ATG5: variants seen among roughly 807,000 people sequenced by gnomAD.
The protein encoded by ATG5 is autophagy related 5, also known as autophagy protein 5.
In ATG5, 14 loss-of-function variants were observed where a neutral mutation model predicts 36.5. The observed-to-expected ratio is 0.38, with a 90% confidence interval of 0.25 to 0.60. The LOEUF is 0.60. Among genes scored for constraint, ATG5 ranks in the 20% least tolerant of loss-of-function variants. The pLI is 0.60. For missense variants in ATG5, 195 were observed against 326.7 expected, an observed-to-expected ratio of 0.60 and a Z score of 3.11; for synonymous variants, 95 against 101.5, an observed-to-expected ratio of 0.94 and a Z score of 0.38.
chr6:106,259,117 T>C (rs958259396), intron 5 of ATG5, among the ~76,000 whole-genome samples: 1 of 152,202 alleles, frequency 6.6e-6, no homozygotes, highest in Non-Finnish European at 1.5e-5. Context: ...GTTCAAGAAG[T>C]ATTTTCCTCA....
chr6:106,254,756 G>T (rs985387411), intron 5 of ATG5, among the ~76,000 whole-genome samples: 1 of 152,178 alleles, frequency 6.6e-6, no homozygotes, highest in African/African-American at 2.4e-5. Context: ...GATTCTACCA[G>T]GTAAGAAGTG....
chr6:106,227,930 C>T (rs1016699795), intron 6 of ATG5, among the ~76,000 whole-genome samples: 1 of 152,122 alleles, frequency 6.6e-6, no homozygotes, highest in Admixed American at 6.5e-5. Flanking sequence ...CAACTCAAAC[C>T]AGGCAGCAAT....
chr6:106,309,984 AGT>A (rs1770590413), intron 2 of ATG5, among the ~76,000 whole-genome samples: 1 of 152,122 alleles, frequency 6.6e-6, no homozygotes, highest in African/African-American at 2.4e-5. Flanking sequence ...GATTTTGGAG[AGT>A]GTTGTATTAC....
intron 6 of ATG5, among the ~76,000 whole-genome samples, chr6:106,228,110 T>C (rs1777516623): frequency 2.0e-5 from 3 of 152,180 alleles, no homozygotes; most frequent in East Asian, 3.8e-4. Flanking sequence ...CCATAAACTA[T>C]TTGGTTATTA....
At chr6:106,209,760 A>C (rs1776788367) in intron 6 of ATG5, among the ~76,000 whole-genome samples, 1 of 152,224 alleles carries the variant, frequency 6.6e-6, no homozygotes, top group Non-Finnish European at 1.5e-5. Context: ...GCAAGATGTT[A>C]GAATTGGGGG....
Position 106,215,568 on chromosome 6 carries a change from G to A in ATG5, c.574-13479C>T, listed in dbSNP as rs141928246. The stretch of plus-strand genomic sequence containing the variant: ...ATATTTTACAGATTTCACCACTTAC[G>A]TAATCTGATCAACAAATTTTAAAAA... On this transcript the variant is annotated intron_variant, in intron 6 of 7. Coordinates refer to ENST00000369076, the MANE Select transcript of ATG5 (RefSeq NM_004849.4). Among the ~76,000 whole-genome samples the A allele has an allele frequency of 6.7e-3, 1,023 of 152,016 alleles. 20 individuals carry two copies. The highest frequency in any genetic ancestry group is 0.023 in the African/African-American group (944 of 41,456).
chr6:106,236,170 G>T (rs1436429235), intron 6 of ATG5, among the ~76,000 whole-genome samples: 1 of 152,126 alleles, frequency 6.6e-6, no homozygotes, highest in Non-Finnish European at 1.5e-5. Flanking sequence ...ATTATTGCAT[G>T]TATTATTCCT....
At position 106,188,508 on chromosome 6, in the gene ATG5, C is replaced by T. The variant is rs542200194; in HGVS notation, c.692-1832G>A. On this transcript the variant is annotated intron_variant, in intron 7 of 7. Coordinates refer to ENST00000369076, the MANE Select transcript of ATG5 (RefSeq NM_004849.4). ...CAACTCAATATCCAAAGTACTGTAT[C>T]TAAAGCAATATTTAAACATGGGAGC... is the stretch of plus-strand genomic sequence containing the variant. Among the ~76,000 whole-genome samples, 68 of 152,240 alleles carry T rather than the reference C, an allele frequency of 4.5e-4. 2 individuals are homozygous for T. In the South Asian group the frequency reaches 0.013, roughly 30 times the overall value.
At chr6:106,188,469 G>C (rs577867451) in intron 7 of ATG5, among the ~76,000 whole-genome samples, 1 of 152,266 alleles carries the variant, frequency 6.6e-6, no homozygotes, top group South Asian at 2.1e-4. Context: ...TGAAACAGCA[G>C]AAGAAACAAG....
intron 4 of ATG5, among the ~76,000 whole-genome samples, chr6:106,292,576 T>C (rs1411569044): frequency 1.3e-5 from 2 of 152,226 alleles, no homozygotes; most frequent in African/African-American, 4.8e-5. Context: ...TGTACTTCCA[T>C]ATCCACATCT....
At position 106,202,046 on chromosome 6, in the gene ATG5, A is replaced by G; in HGVS notation, c.617T>C (p.Val206Ala). Residue 206 changes from valine (V) to alanine (A), a missense_variant, in exon 7 of 8, where the codon GTG (valine) becomes GCG (alanine). Coordinates refer to ENST00000369076, the MANE Select transcript of ATG5 (RefSeq NM_004849.4). ...TGTGTGCAACTGTCCATCTGCAGCC[A>G]CAGGACGAAACAGCTTCTGAATGAA... ...RPFIQKLFRP[V>A]AADGQLHTLG... 2 of 1,614,060 alleles carry G rather than the reference A, an allele frequency of 1.2e-6. No homozygotes were observed. The highest frequency in any genetic ancestry group is 2.2e-5 in the South Asian group (2 of 91,074).
chr6:106,316,253 C>T lies in ATG5; in HGVS notation c.-45G>A. 6.9e-7 allele frequency: 1 copy of T among 1,446,120 alleles called. No individual in the cohort carries two copies. The highest frequency in any genetic ancestry group is 9.7e-7 in the Non-Finnish European group (1 of 1,035,922). 89.6% of individuals were successfully genotyped at this position (1,446,120 alleles called of 1,614,324 possible). ...GTACATACAGGCTAAATTCTTATTT[C>T]AACCAAAGCCAAACTGAAAATAAAA... On this transcript the variant is annotated 5_prime_UTR_variant, in exon 2 of 8. Coordinates refer to ENST00000369076, the MANE Select transcript of ATG5 (RefSeq NM_004849.4).
rs1223286442 is a variant in ATG5, at chr6:106,325,726, C to T, written c.-259G>A. 1 of 152,888 alleles carries T rather than the reference C, an allele frequency of 6.5e-6. No homozygotes were observed. The highest frequency in any genetic ancestry group is 1.9e-4 in the East Asian group (1 of 5,292). 9.5% of individuals were successfully genotyped at this position (152,888 alleles called of 1,614,324 possible). ...GGAGCTGAACCCTGCTGCACTTCCG[C>T]CCTCTGGTATCCAGCGAATACAACC... On this transcript the variant is annotated 5_prime_UTR_variant, in exon 1 of 8. Coordinates refer to ENST00000369076, the MANE Select transcript of ATG5 (RefSeq NM_004849.4).
At position 106,301,575 on chromosome 6, in the gene ATG5, C is replaced by T. The variant is rs140649747; in HGVS notation, c.236+6789G>A. ...TTCATTCATTCATTCATTCACTGAA[C>T]AAACATTTACTTATCCCCTCCTATA... is the stretch of plus-strand genomic sequence containing the variant. On this transcript the variant is annotated intron_variant, in intron 3 of 7. Coordinates refer to ENST00000369076, the MANE Select transcript of ATG5 (RefSeq NM_004849.4). Among the ~76,000 whole-genome samples the T allele has an allele frequency of 2.9e-3, 447 of 152,092 alleles. 2 individuals carry two copies. Among genetic ancestry groups the T allele is most frequent in the African/African-American group, 0.01 (418 of 41,524 alleles).
At chr6:106,205,786 A>G (rs953532114) in intron 6 of ATG5, among the ~76,000 whole-genome samples, 7 of 152,214 alleles carry the variant, frequency 4.6e-5, no homozygotes, top group Non-Finnish European at 8.8e-5. Flanking sequence ...ACAAAGCCCC[A>G]GTGCTATTAC....
At chr6:106,241,033 G>A (rs1439934651) in intron 6 of ATG5, among the ~76,000 whole-genome samples, 1 of 152,136 alleles carries the variant, frequency 6.6e-6, no homozygotes. Flanking sequence ...GGCACCTGTA[G>A]TCCCAGCTAC....
chr6:106,275,295 A>C (rs549563603), intron 5 of ATG5, among the ~76,000 whole-genome samples: 1 of 152,244 alleles, frequency 6.6e-6, no homozygotes, highest in Non-Finnish European at 1.5e-5. Context: ...TACCAAGCTA[A>C]AGATTTCCGA....
chr6:106,265,239 A>T (rs539343553), intron 5 of ATG5, among the ~76,000 whole-genome samples: 1 of 152,118 alleles, frequency 6.6e-6, no homozygotes, highest in South Asian at 2.1e-4. Flanking sequence ...ACCAACAAAG[A>T]TCAAAAAAGA....
intron 1 of ATG5, 153 bp downstream of exon 1, chr6:106,325,373 T>C (rs1280293809): frequency 6.6e-6 from 1 of 152,556 alleles, no homozygotes; most frequent in Non-Finnish European, 1.5e-5. Flanking sequence ...CAACTCCACC[T>C]TGCCCGGAGG....
Sources: allele counts gnomAD v4.1 joint callset (sites outside exome capture counted in the v4.1 genomes callset), GRCh38; gene constraint gnomAD v4.1.1; transcripts MANE v1.5; gene names NCBI Gene and HGNC (gene_info 2026-07-23, HGNC 2026-07-21).